The following FARP2 variants were observed in gnomAD, a reference collection of about 807,000 sequenced individuals.
The protein encoded by FARP2 is FERM, ARHGEF and pleckstrin domain-containing protein 2.
FARP2 carries 111 observed loss-of-function variants against 130.5 expected under a neutral mutation model. That is an observed-to-expected ratio of 0.85 (90% CI 0.73 to 1.00). The LOEUF is 1.00. Among genes scored for constraint, FARP2 ranks in the 50% least tolerant of loss-of-function variants. The probability of loss-of-function intolerance (pLI) is 0.00; values close to 1 mark genes in which losing one functional copy is unlikely to be tolerated. For missense variants in FARP2, 1,385 were observed against 1,346.3 expected (o/e 1.03, Z -0.45); for synonymous variants, 504 against 516.9 (o/e 0.98, Z 0.34).
rs774869937 is a variant in FARP2 at position 241,441,337 on chromosome 2, G to A, written c.1192G>A (p.Ala398Thr). 6 of 1,610,958 alleles carry A rather than the reference G, an allele frequency of 3.7e-6. No homozygotes were observed. In the South Asian group the frequency reaches 6.6e-5, roughly 18 times the overall value. The change falls in exon 13 of 27, where the codon GCC becomes ACC. Residue 398 changes from alanine to threonine, a missense_variant. Ala to Thr is a moderately conservative substitution (Grantham distance 58). Coordinates refer to ENST00000264042, the MANE Select transcript of FARP2 (RefSeq NM_014808.4). ...ISFPEGLRTP[A>T]SPSSANAFYS... ...ATTCCCCGAGGGATTGAGGACTCCTGCCTCCCCATCTTCAGCGAATGCCTT... is the reference window on the plus strand; with the variant it reads ...ATTCCCCGAGGGATTGAGGACTCCTACCTCCCCATCTTCAGCGAATGCCTT...
intron 2 of FARP2, among the ~76,000 whole-genome samples, chr2:241,392,844 G>T (rs923899338): frequency 1.3e-5 from 2 of 151,626 alleles, no homozygotes; most frequent in African/African-American, 4.8e-5. Flanking sequence ...TTAGGAGGCT[G>T]AGGCAGGAGA....
chr2:241,463,691 TTGCCTGG>T, intron 16 of FARP2: 1 of 679,398 alleles, frequency 1.5e-6, no homozygotes, highest in East Asian at 2.7e-5. Context: ...AGATCCCTTT[TTGCCTGG>T]TTACTATCTG....
At chr2:241,385,461 C>A (rs1382048000) in intron 2 of FARP2, among the ~76,000 whole-genome samples, 1 of 152,088 alleles carries the variant, frequency 6.6e-6, no homozygotes, top group Non-Finnish European at 1.5e-5. Context: ...GTGGCTCATA[C>A]CTATAATCCC....
intron 19 of FARP2, among the ~76,000 whole-genome samples, chr2:241,480,060 T>C (rs763549072): frequency 2.0e-5 from 3 of 152,214 alleles, no homozygotes; most frequent in Admixed American, 6.5e-5. Flanking sequence ...CAGACCTTTC[T>C]CAGCTGGTTG....
chr2:241,467,091 C>CA (rs2064192658), intron 17 of FARP2, among the ~76,000 whole-genome samples: 2 of 151,164 alleles, frequency 1.3e-5, no homozygotes, highest in African/African-American at 4.9e-5. Context: ...CCCATCTCTA[C>CA]AAAAAATACA....
chr2:241,402,909 T>G, intron 2 of FARP2, among the ~76,000 whole-genome samples: 37 of 100,084 alleles, frequency 3.7e-4, no homozygotes, highest in African/African-American at 1.4e-3. Flanking sequence ...TTTTTTTTTT[T>G]TTGTAGAGAC....
chr2:241,433,527 A>G (rs1486873316), intron 9 of FARP2, among the ~76,000 whole-genome samples: 1 of 152,236 alleles, frequency 6.6e-6, no homozygotes, highest in Admixed American at 6.5e-5. Context: ...ACAATTCAGT[A>G]ATAACATGTA....
At chr2:241,467,235 G>C (rs1467020728) in intron 17 of FARP2, among the ~76,000 whole-genome samples, 1 of 152,228 alleles carries the variant, frequency 6.6e-6, no homozygotes, top group Non-Finnish European at 1.5e-5. Flanking sequence ...CAGCCTAGGT[G>C]ACAGAGTGAG....
chr2:241,420,386 G>T (rs1293497020), intron 8 of FARP2, among the ~76,000 whole-genome samples: 1 of 152,158 alleles, frequency 6.6e-6, no homozygotes, highest in South Asian at 2.1e-4. Flanking sequence ...AAATGAACTG[G>T]TGACATTAAT....
At chr2:241,403,401 G>A (rs971515530) in intron 2 of FARP2, among the ~76,000 whole-genome samples, 4 of 151,974 alleles carry the variant, frequency 2.6e-5, no homozygotes, top group Admixed American at 6.6e-5. Flanking sequence ...TTGGGTAGAG[G>A]TGAGGTGTCA....
At chr2:241,417,905 T>G in intron 7 of FARP2, 57 bp from the exon 8 acceptor site, 1 of 1,584,900 alleles carries the variant, frequency 6.3e-7, no homozygotes, top group Admixed American at 1.7e-5. Context: ...TAATGCATTT[T>G]GGCTCTTTCA....
At chr2:241,458,884 G>C (rs934722737) in intron 14 of FARP2, among the ~76,000 whole-genome samples, 5 of 152,250 alleles carry the variant, frequency 3.3e-5, no homozygotes. Flanking sequence ...AGCATGGCAA[G>C]GCCCTCTGGG....
intron 13 of FARP2, among the ~76,000 whole-genome samples, chr2:241,449,095 G>A (rs1414640718): frequency 6.6e-6 from 1 of 152,086 alleles, no homozygotes; most frequent in African/African-American, 2.4e-5. Context: ...AATAATTTTC[G>A]GCTAACTCAT....
At chr2:241,375,108 A>T (rs539688906) in intron 2 of FARP2, among the ~76,000 whole-genome samples, 9 of 152,098 alleles carry the variant, frequency 5.9e-5, no homozygotes, top group African/African-American at 2.2e-4. Context: ...CACCATGCCC[A>T]GCTTATTTCT....
At chr2:241,359,567 C>T (rs2061137910) in intron 1 of FARP2, among the ~76,000 whole-genome samples, 1 of 152,224 alleles carries the variant, frequency 6.6e-6, no homozygotes, top group African/African-American at 2.4e-5. Context: ...CCTGTGCACA[C>T]ACTATGTCCT....
chr2:241,414,289 G>A (rs3771561), intron 7 of FARP2, among the ~76,000 whole-genome samples: 28,687 of 152,142 alleles, frequency 0.19, 2,962 homozygotes, highest in East Asian at 0.4. Flanking sequence ...ATTGAAGAAC[G>A]GTATGGGAAA....
chr2:241,466,275 G>A (rs980291780), intron 17 of FARP2: 1 of 985,330 alleles, frequency 1.0e-6, no homozygotes, highest in Non-Finnish European at 1.2e-6. Flanking sequence ...GTGTGGAGTG[G>A]TGAGTCCCGG....
chr2:241,389,612 A>G (rs1559723491), intron 2 of FARP2, among the ~76,000 whole-genome samples: 1 of 152,270 alleles, frequency 6.6e-6, no homozygotes, highest in Non-Finnish European at 1.5e-5. Flanking sequence ...AAGGTTACGC[A>G]GGAACTCAAG....
At chr2:241,368,930 T>C (rs2061370020) in intron 1 of FARP2, among the ~76,000 whole-genome samples, 1 of 152,150 alleles carries the variant, frequency 6.6e-6, no homozygotes, top group Non-Finnish European at 1.5e-5. Context: ...GCCACGTTAC[T>C]ATTATGTGAC....
Sources: allele counts gnomAD v4.1 joint callset (sites outside exome capture counted in the v4.1 genomes callset), GRCh38; gene constraint gnomAD v4.1.1; transcripts MANE v1.5; gene names NCBI Gene and HGNC (gene_info 2026-07-23, HGNC 2026-07-21).